SETD3: variants seen among roughly 807,000 people sequenced by gnomAD.
SETD3 encodes actin-histidine N-methyltransferase.
SETD3 carries 19 observed loss-of-function variants against 63.0 expected under a neutral mutation model. The observed-to-expected ratio is 0.30, with a 90% CI of 0.21 to 0.44. The LOEUF (loss-of-function observed/expected upper bound fraction) is 0.44. SETD3 is among the 20% of genes least tolerant of loss of function. The probability of loss-of-function intolerance (pLI) is 1.00; values close to 1 mark genes in which losing one functional copy is unlikely to be tolerated. For synonymous variants in SETD3, 286 were observed against 264.1 expected, an observed-to-expected ratio of 1.08 and a Z score of -0.80; for missense variants, 587 against 728.5, an observed-to-expected ratio of 0.81 and a Z score of 2.24.
intron 1 of SETD3, among the ~76,000 whole-genome samples, chr14:99,474,835 T>C (rs961636597): frequency 6.6e-6 from 1 of 150,470 alleles, no homozygotes; most frequent in Admixed American, 6.6e-5. Flanking sequence ...GTCTCAAAAA[T>C]AAATAAATAA....
rs532978091 is a variant in SETD3, at chr14:99,419,085, C to T, written c.676-5151G>A. Among the ~76,000 whole-genome samples, 20 of 152,262 alleles carry T rather than the reference C, an allele frequency of 1.3e-4. No homozygotes were observed. In the South Asian group the frequency reaches 3.7e-3, roughly 28 times the overall value. ...CATAAATCAGAATCAAAACATGGTT[C>T]ACATGTTCAGCTCTTGAGGGAAAAA... On this transcript the variant is annotated intron_variant, in intron 6 of 12. Coordinates refer to ENST00000331768, the MANE Select transcript of SETD3 (RefSeq NM_032233.3).
At chr14:99,428,838 CA>C (rs1893022711) in intron 6 of SETD3, among the ~76,000 whole-genome samples, 2 of 152,034 alleles carry the variant, frequency 1.3e-5, no homozygotes, top group Non-Finnish European at 2.9e-5. Flanking sequence ...CAGGAGTGGG[CA>C]TGGAAGGCAC....
chr14:99,465,922 TCTTAC>T (rs1895346199), intron 1 of SETD3, 109 bp from the exon 2 acceptor site: 6 of 627,622 alleles, frequency 9.6e-6, no homozygotes, highest in Non-Finnish European at 1.6e-5. Context: ...GAGGCTAAGA[TCTTAC>T]CTTACATGAA....
intron 1 of SETD3, among the ~76,000 whole-genome samples, chr14:99,466,413 T>C (rs946343521): frequency 1.3e-5 from 2 of 152,202 alleles, no homozygotes; most frequent in Non-Finnish European, 2.9e-5. Context: ...GAACGAGGTC[T>C]CCCGTCGCGT....
intron 1 of SETD3, among the ~76,000 whole-genome samples, chr14:99,478,578 T>C (rs1434964146): frequency 6.6e-6 from 1 of 152,324 alleles, no homozygotes; most frequent in East Asian, 1.9e-4. Flanking sequence ...TGACATCTAG[T>C]CACAAAGCAT....
intron 10 of SETD3, among the ~76,000 whole-genome samples, chr14:99,404,603 T>C (rs1891579685): frequency 6.8e-6 from 1 of 146,994 alleles, no homozygotes; most frequent in Non-Finnish European, 1.5e-5. Context: ...AAATTAAACA[T>C]ACACATGGTT....
At chr14:99,480,439 G>C (rs915288057) in intron 1 of SETD3, among the ~76,000 whole-genome samples, 1 of 151,680 alleles carries the variant, frequency 6.6e-6, no homozygotes, top group African/African-American at 2.4e-5. Flanking sequence ...GGCGCCAGAG[G>C]GGACAGGGCA....
intron 6 of SETD3, among the ~76,000 whole-genome samples, chr14:99,414,279 G>A (rs537012376): frequency 5.3e-5 from 8 of 152,352 alleles, no homozygotes; most frequent in Admixed American, 1.3e-4. Flanking sequence ...ACGCAGAGCC[G>A]CCCAAGCCAG....
intron 1 of SETD3, among the ~76,000 whole-genome samples, chr14:99,466,981 AC>A (rs1895420627): frequency 1.3e-5 from 2 of 152,356 alleles, no homozygotes; most frequent in South Asian, 2.1e-4. Flanking sequence ...AAAAGTGGTA[AC>A]TATCACCATG....
At position 99,398,400 on chromosome 14, in the gene SETD3, C is replaced by T. The variant is rs183992119; in HGVS notation, c.*279G>A. 16 of 370,162 alleles carry T rather than the reference C, an allele frequency of 4.3e-5. No homozygotes were observed. The highest frequency in any genetic ancestry group is 2.1e-4 in the African/African-American group (10 of 48,754). The allele number at this position is 370,162 out of a possible 1,614,324, so 22.9% of individuals were successfully genotyped here. ...CTTCCCCAGGAAGAAAATACCTATA[C>T]CCACAATAGGTCTGCAAAATCTCCC... On this transcript the variant is annotated 3_prime_UTR_variant, in exon 13 of 13. Transcript: ENST00000331768.
At chr14:99,429,304 GAC>G (rs1373340251) in intron 6 of SETD3, among the ~76,000 whole-genome samples, 1 of 152,128 alleles carries the variant, frequency 6.6e-6, no homozygotes, top group African/African-American at 2.4e-5. Flanking sequence ...AAAAAAGAAA[GAC>G]ACAAGGGAGG....
intron 6 of SETD3, among the ~76,000 whole-genome samples, chr14:99,434,107 T>C (rs1330356368): frequency 6.6e-6 from 1 of 152,174 alleles, no homozygotes; most frequent in Non-Finnish European, 1.5e-5. Flanking sequence ...AAACACAAGA[T>C]TACTTCTAGC....
At chr14:99,425,028 T>A (rs1037866999) in intron 6 of SETD3, among the ~76,000 whole-genome samples, 2 of 151,988 alleles carry the variant, frequency 1.3e-5, no homozygotes, top group Non-Finnish European at 2.9e-5. Context: ...GGGTGCCCTA[T>A]AGAACAGGAG....
chr14:99,443,631 C>T (rs896083887), intron 6 of SETD3, among the ~76,000 whole-genome samples: 3 of 152,158 alleles, frequency 2.0e-5, no homozygotes, highest in Non-Finnish European at 2.9e-5. Context: ...CTTTGGAAGA[C>T]AGGATTTATT....
intron 6 of SETD3, among the ~76,000 whole-genome samples, chr14:99,434,126 T>C (rs1159729003): frequency 6.6e-6 from 1 of 152,230 alleles, no homozygotes; most frequent in South Asian, 2.1e-4. Flanking sequence ...GCAGCTTCAC[T>C]TGTAATAGCC....
intron 1 of SETD3, among the ~76,000 whole-genome samples, chr14:99,477,146 G>C (rs1207902564): frequency 6.6e-6 from 1 of 151,960 alleles, no homozygotes; most frequent in East Asian, 1.9e-4. Context: ...AGACTGTTTG[G>C]ACTCACTAGT....
intron 1 of SETD3, among the ~76,000 whole-genome samples, chr14:99,477,390 T>C (rs1320949496): frequency 6.6e-6 from 1 of 152,202 alleles, no homozygotes; most frequent in Non-Finnish European, 1.5e-5. Context: ...TGGCTTGAGT[T>C]AAAAAGCAAG....
At chr14:99,399,948 G>T in intron 12 of SETD3, 151 bp downstream of exon 12, 1 of 587,488 alleles carries the variant, frequency 1.7e-6, no homozygotes, top group Non-Finnish European at 2.9e-6. Context: ...CACCATGTTG[G>T]CCAGGCTGGT....
chr14:99,460,588 G>A (rs1275894012), intron 4 of SETD3, among the ~76,000 whole-genome samples: 1 of 152,072 alleles, frequency 6.6e-6, no homozygotes, highest in Admixed American at 6.6e-5. Flanking sequence ...ACAGATGAAG[G>A]AGTGCCTCCT....
Sources: allele counts gnomAD v4.1 joint callset (sites outside exome capture counted in the v4.1 genomes callset), GRCh38; gene constraint gnomAD v4.1.1; transcripts MANE v1.5; gene names NCBI Gene and HGNC (gene_info 2026-07-23, HGNC 2026-07-21).